Variants in BRSK2 observed in about 807,000 individuals in gnomAD.
The protein encoded by BRSK2 is serine/threonine-protein kinase BRSK2.
In BRSK2, 19 loss-of-function variants were observed where a neutral mutation model predicts 83.3. That is an observed-to-expected ratio of 0.23 (90% CI 0.16 to 0.33). The LOEUF is 0.33. BRSK2 is among the 10% of genes least tolerant of loss of function. The probability of loss-of-function intolerance (pLI) is 1.00; values close to 1 mark genes in which losing one functional copy is unlikely to be tolerated. For synonymous variants in BRSK2, 519 were observed against 435.4 expected, an observed-to-expected ratio of 1.19 and a Z score of -2.39; for missense variants, 798 against 1,042.3, an observed-to-expected ratio of 0.77 and a Z score of 3.23.
chr11:1,392,265 C>T (rs1845774360), intron 1 of BRSK2, among the ~76,000 whole-genome samples: 1 of 152,214 alleles, frequency 6.6e-6, no homozygotes, highest in African/African-American at 2.4e-5. Flanking sequence ...GCCAGGAGAC[C>T]TCCGTGGGAG....
In BRSK2 at chr11:1,390,640, G is replaced by C. The variant is rs1057174588; in HGVS notation, c.91+265G>C. Among the ~76,000 whole-genome samples the C allele has an allele frequency of 1.8e-4, 26 of 147,572 alleles. No individual in the cohort carries two copies. Among genetic ancestry groups the C allele is most frequent in the Admixed American group, 4.7e-4 (7 of 14,888 alleles). The stretch of plus-strand genomic sequence containing the variant: ...GGCGCGCAGGCGGACAGGGGCGCAC[G>C]GGACGGCGCCCCTCGGGCCCCGCTG... On this transcript the variant is annotated intron_variant, in intron 1 of 19. Transcript: ENST00000528841. This position sits in a 1 kb window ranked among gnomAD's most constrained non-coding sequence, Gnocchi z 6.8.
chr11:1,454,281 A>G lies in BRSK2; in HGVS notation c.1545-204A>G. 1.8e-6 allele frequency: 1 copy of G among 566,016 alleles called. No individual in the cohort carries two copies. The highest frequency in any genetic ancestry group is 2.0e-5 in the South Asian group (1 of 50,546). The allele number at this position is 566,016 out of a possible 1,614,324, so 35.1% of individuals were successfully genotyped here. A position where few individuals can be genotyped will look rare whatever the true frequency, so the allele number is the denominator to read the frequency against. ...AAAGGTTAGGGTTGGGGTTGGGGTT[A>G]GAGCCACGGTGATGGTCAGGGCATA... On this transcript the variant is annotated intron_variant, in intron 15 of 19. Transcript: ENST00000528841. This position sits in a 1 kb window ranked among gnomAD's most constrained non-coding sequence, Gnocchi z 5.2.
chr11:1,417,531 T>A (rs1364841413), intron 1 of BRSK2, among the ~76,000 whole-genome samples: 9 of 150,354 alleles, frequency 6.0e-5, no homozygotes, highest in African/African-American at 2.0e-4. Flanking sequence ...GGTCACACTG[T>A]GTCATGCTTC....
At position 1,460,792 on chromosome 11, in the gene BRSK2, C is replaced by G. The variant is rs1184514889; in HGVS notation, c.*69C>G. 1 of 1,468,632 alleles carries G rather than the reference C, an allele frequency of 6.8e-7. No individual in the cohort carries two copies. Among genetic ancestry groups the G allele is most frequent in the Admixed American group, 2.7e-5 (1 of 36,850 alleles). 91.0% of individuals were successfully genotyped at this position (1,468,632 alleles called of 1,614,324 possible). On this transcript the variant is annotated 3_prime_UTR_variant, in exon 20 of 20. Transcript: ENST00000528841. ...CTCGCCGCCCGCCGCCCGCCCTGCC[C>G]CGAGTGGACCCGCGGCCGCGCCGCC...
chr11:1,434,677 C>G (rs1010767310), intron 1 of BRSK2, among the ~76,000 whole-genome samples: 1 of 140,654 alleles, frequency 7.1e-6, no homozygotes, highest in South Asian at 2.3e-4. Context: ...TGGGCCGGCT[C>G]TGGGTGTCTG....
intron 14 of BRSK2, 126 bp from the exon 15 acceptor site, chr11:1,451,245 T>TG (rs3838784): frequency 5.4e-6 from 6 of 1,116,586 alleles, no homozygotes; most frequent in Non-Finnish European, 6.7e-6. Flanking sequence ...CCAGTGCCCC[T>TG]GGGGGGGCTG....
At chr11:1,429,126 CTGGGTGTGTGTGCACGTGTGCA>C (rs1216974453) in intron 1 of BRSK2, among the ~76,000 whole-genome samples, 55 of 132,158 alleles carry the variant, frequency 4.2e-4, no homozygotes, top group African/African-American at 1.4e-3. Context: ...GGTGTGTGCA[CTGGGTGTGTGTGCACGTGTGCA>C]TGGGTGTGTG....
intron 1 of BRSK2, among the ~76,000 whole-genome samples, chr11:1,403,952 G>A (rs368455357): frequency 3.3e-4 from 50 of 152,294 alleles, no homozygotes; most frequent in African/African-American, 1.2e-3. Flanking sequence ...GATGGGAGGC[G>A]GGCGGTGGGC....
intron 18 of BRSK2, among the ~76,000 whole-genome samples, chr11:1,458,121 T>C (rs368468724): frequency 1.8e-4 from 27 of 152,170 alleles, no homozygotes; most frequent in African/African-American, 6.0e-4. Flanking sequence ...TGGACAGGGC[T>C]TGTCTGGTAG....
intron 1 of BRSK2, among the ~76,000 whole-genome samples, chr11:1,401,031 G>C (rs1846441839): frequency 6.6e-6 from 1 of 152,258 alleles, no homozygotes; most frequent in Admixed American, 6.5e-5. Context: ...CCACATGAGT[G>C]TCAGGACAGC....
rs771024756 is a variant in BRSK2, at chr11:1,395,520, C to T, written c.91+5145C>T. ...TGTCAGGGCCCTTGGCACAGAGGTT[C>T]CGGGTGGTGAGGACGGCAGTTCCCC... On this transcript the variant is annotated intron_variant, in intron 1 of 19. Transcript: ENST00000528841. Among the ~76,000 whole-genome samples, 82 of 152,308 alleles carry T rather than the reference C, an allele frequency of 5.4e-4. 1 individual carries two copies. The highest frequency in any genetic ancestry group is 1.1e-3 in the Non-Finnish European group (72 of 68,014).
chr11:1,458,849 C>T (rs1162658573), intron 18 of BRSK2, among the ~76,000 whole-genome samples: 1 of 152,180 alleles, frequency 6.6e-6, no homozygotes, highest in Non-Finnish European at 1.5e-5. Flanking sequence ...AGGCCACGGC[C>T]AGGGCAGAGT....
chr11:1,422,240 A>G (rs1848703446), intron 1 of BRSK2, among the ~76,000 whole-genome samples: 1 of 151,990 alleles, frequency 6.6e-6, no homozygotes. Context: ...GCCTCATCGC[A>G]GCTCACAGCC....
chr11:1,410,561 G>A (rs1174944870), intron 1 of BRSK2: 1 of 985,356 alleles, frequency 1.0e-6, no homozygotes, highest in African/African-American at 1.7e-5. Flanking sequence ...CGCTTTTGAT[G>A]TCGTCAGGCT....
At chr11:1,418,572 AC>A (rs1159643887) in intron 1 of BRSK2, among the ~76,000 whole-genome samples, 1 of 133,014 alleles carries the variant, frequency 7.5e-6, no homozygotes, top group Non-Finnish European at 1.6e-5. Flanking sequence ...AGAGTGGGTC[AC>A]CTGTGTCCTG....
At chr11:1,424,271 T>G (rs944265225) in intron 1 of BRSK2, among the ~76,000 whole-genome samples, 2 of 152,102 alleles carry the variant, frequency 1.3e-5, no homozygotes, top group African/African-American at 4.8e-5. Flanking sequence ...GAGGGAGGTC[T>G]CTGCTGGGTG....
At chr11:1,398,686 C>T (rs933985580) in intron 1 of BRSK2, among the ~76,000 whole-genome samples, 4 of 152,196 alleles carry the variant, frequency 2.6e-5, no homozygotes, top group Admixed American at 2.0e-4. Context: ...AGACAGGAGG[C>T]GGTGGCCCCA....
rs1397140266 is a variant in BRSK2 at position 1,445,907 on chromosome 11, G to GGT, written c.1226+8_1226+9dup. On this transcript the variant is annotated frameshift_variant and splice_region_variant. Transcript: ENST00000528841. LOFTEE classifies it high-confidence loss of function. ...ATTGAGATGGCCCAGCACGGCCAGA[G>GGT]GTGTGTGTGCCCCGAGGCTGCTGGG... 1.2e-6 allele frequency: 2 copies of GGT among 1,605,456 alleles called. No homozygotes were observed. The highest frequency in any genetic ancestry group is 1.7e-6 in the Non-Finnish European group (2 of 1,175,624).
Position 1,461,043 on chromosome 11 carries a change from C to T in BRSK2, c.*320C>T, listed in dbSNP as rs1040722342. On this transcript the variant is annotated 3_prime_UTR_variant, in exon 20 of 20. Coordinates refer to ENST00000528841, the MANE Select transcript of BRSK2 (RefSeq NM_001256627.2). Reference sequence around the variant, plus strand: ...TGACCGAAGGCAGCTGCTGCGGACCCGCCCTCCCTCCGCTCCTGCTGTTGC... The same window carrying T: ...TGACCGAAGGCAGCTGCTGCGGACCTGCCCTCCCTCCGCTCCTGCTGTTGC... 3.1e-6 allele frequency: 5 copies of T among 1,608,414 alleles called. No individual in the cohort carries two copies. Among genetic ancestry groups the T allele is most frequent in the Non-Finnish European group, 3.4e-6 (4 of 1,177,630 alleles).
Sources: allele counts gnomAD v4.1 joint callset (sites outside exome capture counted in the v4.1 genomes callset), GRCh38; gene constraint gnomAD v4.1.1; non-coding constraint Gnocchi (gnomAD v3.1); transcripts MANE v1.5; gene names NCBI Gene and HGNC (gene_info 2026-07-23, HGNC 2026-07-21).